SLC45A4: variants seen among roughly 807,000 people sequenced by gnomAD.
SLC45A4 encodes the protein polyamine-transporter SLC45A4.
A neutral mutation model predicts 63.7 loss-of-function variants in SLC45A4; 32 were observed. That is an observed-to-expected ratio of 0.50 (90% CI 0.38 to 0.67). SLC45A4 has a LOEUF of 0.67. Among genes scored for constraint, SLC45A4 ranks in the 30% least tolerant of loss-of-function variants. The pLI, the probability that SLC45A4 is intolerant of heterozygous loss-of-function variation, is 0.00. For synonymous variants in SLC45A4, 535 were observed against 510.0 expected (o/e 1.05, Z -0.66); for missense variants, 1,027 against 1,157.7 (o/e 0.89, Z 1.64).
In SLC45A4 at chr8:141,229,110, A is replaced by T. The variant is rs1827201040; in HGVS notation, c.242-7345T>A. ...ACTTTACCTTCCCCCCTTACCTGAC[A>T]TTCAATAACTGCTTAGTGCCCTTAA... On this transcript the variant is annotated intron_variant, in intron 2 of 8. Transcript: ENST00000517878. This position sits in a 1 kb window ranked among gnomAD's most constrained non-coding sequence, Gnocchi z 5.0. Among the ~76,000 whole-genome samples the T allele has an allele frequency of 6.6e-6, 1 of 151,998 alleles. No homozygotes were observed. The highest frequency in any genetic ancestry group is 1.5e-5 in the Non-Finnish European group (1 of 68,002).
intron 2 of SLC45A4, among the ~76,000 whole-genome samples, chr8:141,235,243 C>T (rs529181988): frequency 3.3e-5 from 5 of 152,356 alleles, no homozygotes; most frequent in African/African-American, 1.2e-4. Flanking sequence ...AATGCCACCC[C>T]CCTTCTTCAT....
chr8:141,280,461 T>C (rs1343841983), intron 1 of SLC45A4, among the ~76,000 whole-genome samples: 1 of 152,224 alleles, frequency 6.6e-6, no homozygotes, highest in Non-Finnish European at 1.5e-5. Flanking sequence ...TTGAAAGACA[T>C]TTAAGTAACC....
rs778988987 is a variant in SLC45A4 at position 141,211,512 on chromosome 8, C to T, written c.*60G>A. The T allele has an allele frequency of 6.2e-7, 1 of 1,611,352 alleles. No individual in the cohort carries two copies. The highest frequency in any genetic ancestry group is 1.7e-5 in the Admixed American group (1 of 59,814). On this transcript the variant is annotated 3_prime_UTR_variant, in exon 9 of 9. Coordinates refer to ENST00000517878, the MANE Select transcript of SLC45A4 (RefSeq NM_001286646.2). Reference sequence around the variant, plus strand: ...TTGGTGTGCGGTCGCTGCCCAAGGACAGGGCTGCCCTGGGCACAATGTGTC... The same window carrying T: ...TTGGTGTGCGGTCGCTGCCCAAGGATAGGGCTGCCCTGGGCACAATGTGTC...
At chr8:141,230,682 G>A (rs887659409) in intron 2 of SLC45A4, among the ~76,000 whole-genome samples, 2 of 152,024 alleles carry the variant, frequency 1.3e-5, no homozygotes, top group East Asian at 1.9e-4. Flanking sequence ...CCGCTGCCCC[G>A]GCACCTATAC....
intron 2 of SLC45A4, among the ~76,000 whole-genome samples, chr8:141,247,694 G>A (rs1201153683): frequency 6.6e-6 from 1 of 152,212 alleles, no homozygotes; most frequent in South Asian, 2.1e-4. Context: ...TTACAGGTGT[G>A]AGTCACTACG....
At chr8:141,260,692 G>T (rs1183239521) in intron 1 of SLC45A4, among the ~76,000 whole-genome samples, 1 of 152,206 alleles carries the variant, frequency 6.6e-6, no homozygotes, top group Non-Finnish European at 1.5e-5. Context: ...TTGAATCTCT[G>T]AATAGACCAA....
chr8:141,246,756 A>T (rs1828225691), intron 2 of SLC45A4, among the ~76,000 whole-genome samples: 1 of 152,002 alleles, frequency 6.6e-6, no homozygotes, highest in Admixed American at 6.6e-5. Flanking sequence ...AACCATTTCT[A>T]ATAAATGATT....
chr8:141,244,871 T>C (rs754996352), intron 2 of SLC45A4, among the ~76,000 whole-genome samples: 1 of 148,250 alleles, frequency 6.7e-6, no homozygotes, highest in African/African-American at 2.5e-5. Flanking sequence ...CCCTGTGCGA[T>C]GGGAGACAGG....
intron 1 of SLC45A4, among the ~76,000 whole-genome samples, chr8:141,306,649 A>AT (rs2154615548): frequency 6.6e-6 from 1 of 152,176 alleles, no homozygotes; most frequent in South Asian, 2.1e-4. Context: ...TTGTTTTCTT[A>AT]TTTTTTCCTA....
At chr8:141,239,050 G>A (rs1401090389) in intron 2 of SLC45A4, among the ~76,000 whole-genome samples, 2 of 152,192 alleles carry the variant, frequency 1.3e-5, no homozygotes, top group African/African-American at 2.4e-5. Context: ...TTAACCACCC[G>A]GCTGCTGTGA....
At chr8:141,307,531 GGAAGGGGAA>G (rs111478914) in intron 1 of SLC45A4, among the ~76,000 whole-genome samples, 24,181 of 151,458 alleles carry the variant, frequency 0.16, 2,263 homozygotes, top group Middle Eastern at 0.31. Context: ...GGGGAAGAAG[GGAAGGGGAA>G]GAAGGGGAAG....
At chr8:141,248,573 A>AAAAT (rs1555572540) in intron 2 of SLC45A4, among the ~76,000 whole-genome samples, 12 of 151,818 alleles carry the variant, frequency 7.9e-5, no homozygotes, top group African/African-American at 2.9e-4. Context: ...TTAAAAAAAA[A>AAAAT]AATAATAATA....
At chr8:141,285,086 T>C (rs921843624) in intron 1 of SLC45A4, among the ~76,000 whole-genome samples, 5 of 152,174 alleles carry the variant, frequency 3.3e-5, no homozygotes, top group African/African-American at 1.2e-4. Flanking sequence ...CCAAGCAGAC[T>C]TCCCCCACCT....
chr8:141,221,460 G>A, intron 3 of SLC45A4, 117 bp downstream of exon 3: 1 of 1,325,650 alleles, frequency 7.5e-7, no homozygotes, highest in Non-Finnish European at 1.0e-6. Context: ...AGCCCAGCCA[G>A]GCCCACAGAG....
chr8:141,233,355 T>C (rs1827462571), intron 2 of SLC45A4, among the ~76,000 whole-genome samples: 2 of 152,164 alleles, frequency 1.3e-5, no homozygotes, highest in South Asian at 4.1e-4. Flanking sequence ...TGGTTACTAT[T>C]GCAGTTTATC....
chr8:141,265,001 A>G (rs1170426205), intron 1 of SLC45A4, among the ~76,000 whole-genome samples: 1 of 152,220 alleles, frequency 6.6e-6, no homozygotes, highest in Non-Finnish European at 1.5e-5. Flanking sequence ...TTATATTTTC[A>G]GTTTATAATC....
chr8:141,307,186 T>C (rs1375150940), intron 1 of SLC45A4, among the ~76,000 whole-genome samples: 1 of 151,728 alleles, frequency 6.6e-6, no homozygotes, highest in African/African-American at 2.4e-5. Flanking sequence ...GAAAAGCCGC[T>C]GCTGGAAGTG....
intron 3 of SLC45A4, 88 bp from the exon 4 acceptor site, chr8:141,219,917 C>A: frequency 1.5e-6 from 2 of 1,291,322 alleles, no homozygotes; most frequent in South Asian, 1.5e-5. Flanking sequence ...AAGGGGCATG[C>A]GGAGGGGGCA....
At chr8:141,301,734 C>A (rs374857811) in intron 1 of SLC45A4, among the ~76,000 whole-genome samples, 2 of 39,580 alleles carry the variant, frequency 5.1e-5, no homozygotes, top group African/African-American at 1.7e-4. Context: ...GACCCTATCT[C>A]AAAAAAAAAA....
Sources: gnomAD v4.1 joint callset for allele counts (sites outside exome capture counted in the v4.1 genomes callset) on GRCh38, gnomAD v4.1.1 for gene constraint, Gnocchi (gnomAD v3.1) non-coding constraint, MANE v1.5 for transcripts, NCBI Gene and HGNC (gene_info 2026-07-23, HGNC 2026-07-21) for gene names.